Variants in SYNDIG1 observed in about 807,000 individuals in gnomAD.
The protein encoded by SYNDIG1 is synapse differentiation-inducing gene protein 1.
SYNDIG1 carries 9 observed loss-of-function variants against 19.4 expected under a neutral mutation model. The ratio of observed to expected loss-of-function variants is 0.46; its 90% CI spans 0.28 to 0.81. The LOEUF is 0.81. SYNDIG1 is among the 30% of genes least tolerant of loss of function. The pLI is 0.12. For synonymous variants in SYNDIG1, 141 were observed against 145.9 expected, an observed-to-expected ratio of 0.97 and a Z score of 0.24; for missense variants, 311 against 343.3, an observed-to-expected ratio of 0.91 and a Z score of 0.74.
intron 3 of SYNDIG1, among the ~76,000 whole-genome samples, chr20:24,630,292 C>T (rs1012087425): frequency 2.6e-5 from 4 of 152,128 alleles, no homozygotes; most frequent in Non-Finnish European, 4.4e-5. Context: ...GGGGATTGAC[C>T]GGGACCTAGA....
Position 24,478,805 on chromosome 20 carries a change from G to A in SYNDIG1, c.-79+9052G>A, listed in dbSNP as rs187718985. Among the ~76,000 whole-genome samples, 6 of 152,308 alleles carry A rather than the reference G, an allele frequency of 3.9e-5. No homozygotes were observed. The East Asian group carries it at 9.7e-4, about 25-fold the overall frequency. The stretch of plus-strand genomic sequence containing the variant: ...GGAGTCATGCACTTAGAAAAGTCAG[G>A]GAGAACAGAAGCCTCCCACAGAACT... On this transcript the variant is annotated intron_variant, in intron 1 of 3. Transcript: ENST00000376862.
At chr20:24,481,458 A>ATGCC (rs1411975278) in intron 1 of SYNDIG1, among the ~76,000 whole-genome samples, 2 of 152,196 alleles carry the variant, frequency 1.3e-5, no homozygotes, top group African/African-American at 4.8e-5. Context: ...CAGACTTCAT[A>ATGCC]TGCCGAGGCT....
Position 24,642,602 on chromosome 20 carries a change from G to A in SYNDIG1, c.619-22744G>A, listed in dbSNP as rs141822992. On this transcript the variant is annotated intron_variant, in intron 3 of 3. Coordinates refer to ENST00000376862, the MANE Select transcript of SYNDIG1 (RefSeq NM_024893.3). ...TCAGTATGGACCCTTGGATATTTAT[G>A]TTATACTTTGGTGTCTAATCCAAAA... Among the ~76,000 whole-genome samples the A allele has an allele frequency of 4.8e-3, 729 of 152,246 alleles. 2 individuals are homozygous for A. The highest frequency in any genetic ancestry group is 8.4e-3 in the Non-Finnish European group (574 of 68,010).
At chr20:24,654,407 A>G (rs2059502491) in intron 3 of SYNDIG1, among the ~76,000 whole-genome samples, 1 of 152,200 alleles carries the variant, frequency 6.6e-6, no homozygotes, top group Non-Finnish European at 1.5e-5. Flanking sequence ...TCCTGAAATC[A>G]AAAAGGAAAG....
chr20:24,662,508 G>C (rs73347242), intron 3 of SYNDIG1, among the ~76,000 whole-genome samples: 1 of 152,146 alleles, frequency 6.6e-6, no homozygotes, highest in South Asian at 2.1e-4. Context: ...TGCCGATGGA[G>C]CCCAGCTGCT....
At chr20:24,634,727 C>T (rs1250811998) in intron 3 of SYNDIG1, among the ~76,000 whole-genome samples, 2 of 152,098 alleles carry the variant, frequency 1.3e-5, no homozygotes, top group Non-Finnish European at 1.5e-5. Flanking sequence ...AATTTGTAGA[C>T]CTTATTTTTC....
At chr20:24,558,989 C>T (rs565103830) in intron 2 of SYNDIG1, among the ~76,000 whole-genome samples, 2 of 152,128 alleles carry the variant, frequency 1.3e-5, no homozygotes, top group Non-Finnish European at 2.9e-5. Context: ...ACCATTTGAT[C>T]GAGCAATATC....
chr20:24,538,692 G>A (rs949624855), intron 1 of SYNDIG1, among the ~76,000 whole-genome samples: 7 of 151,756 alleles, frequency 4.6e-5, no homozygotes, highest in East Asian at 3.9e-4. Context: ...TTTCCAAAGC[G>A]ACTGCACTGT....
chr20:24,480,600 A>G (rs1256836743), intron 1 of SYNDIG1, among the ~76,000 whole-genome samples: 1 of 152,234 alleles, frequency 6.6e-6, no homozygotes, highest in Non-Finnish European at 1.5e-5. Flanking sequence ...GATTTGCCAT[A>G]TGATCCAGCA....
chr20:24,626,752 C>A (rs1322310349), intron 3 of SYNDIG1, among the ~76,000 whole-genome samples: 2 of 152,192 alleles, frequency 1.3e-5, no homozygotes, highest in African/African-American at 2.4e-5. Flanking sequence ...TGTAGCGAGC[C>A]GAGATCACGC....
At chr20:24,653,762 A>C (rs1236311119) in intron 3 of SYNDIG1, among the ~76,000 whole-genome samples, 4 of 152,202 alleles carry the variant, frequency 2.6e-5, no homozygotes, top group Non-Finnish European at 2.9e-5. Context: ...GGAGGCTGGA[A>C]GCCTGAGGTT....
intron 3 of SYNDIG1, among the ~76,000 whole-genome samples, chr20:24,613,436 G>A (rs2058880061): frequency 1.3e-5 from 2 of 152,266 alleles, no homozygotes; most frequent in South Asian, 2.1e-4. Context: ...CTCACAATCA[G>A]CTTTCCATGA....
chr20:24,500,247 A>G (rs1016901827), intron 1 of SYNDIG1, among the ~76,000 whole-genome samples: 3 of 152,116 alleles, frequency 2.0e-5, no homozygotes, highest in Admixed American at 6.5e-5. Context: ...TGTGATTCCT[A>G]TGTTTCTTTA....
chr20:24,646,193 C>G (rs2059421076), intron 3 of SYNDIG1, among the ~76,000 whole-genome samples: 1 of 152,188 alleles, frequency 6.6e-6, no homozygotes, highest in South Asian at 2.1e-4. Context: ...TCCTCCAATG[C>G]CTAGAGGACT....
chr20:24,657,073 C>T (rs1198626725), intron 3 of SYNDIG1, among the ~76,000 whole-genome samples: 1 of 152,180 alleles, frequency 6.6e-6, no homozygotes, highest in African/African-American at 2.4e-5. Flanking sequence ...TGAGGCCTCC[C>T]CGGAAGCCGA....
chr20:24,637,674 C>G (rs538127590), intron 3 of SYNDIG1, among the ~76,000 whole-genome samples: 8 of 152,338 alleles, frequency 5.3e-5, no homozygotes, highest in Admixed American at 5.2e-4. Context: ...AGAAACAGAA[C>G]AGGCAAAGAG....
chr20:24,631,420 C>T (rs943846431), intron 3 of SYNDIG1, among the ~76,000 whole-genome samples: 10 of 152,340 alleles, frequency 6.6e-5, no homozygotes, highest in South Asian at 4.1e-4. Flanking sequence ...CACCTGCGGG[C>T]GCGACGGCCT....
intron 2 of SYNDIG1, among the ~76,000 whole-genome samples, chr20:24,573,133 T>C (rs574255436): frequency 6.6e-6 from 1 of 152,228 alleles, no homozygotes; most frequent in Non-Finnish European, 1.5e-5. Flanking sequence ...AGAGCATTCC[T>C]GTGGCGCAAG....
At chr20:24,520,803 A>T (rs1427127590) in intron 1 of SYNDIG1, among the ~76,000 whole-genome samples, 1 of 152,164 alleles carries the variant, frequency 6.6e-6, no homozygotes, top group African/African-American at 2.4e-5. Flanking sequence ...TTTTTGAGAA[A>T]AGTCCTTTTT....
Sources: gnomAD v4.1 joint callset for allele counts (sites outside exome capture counted in the v4.1 genomes callset) on GRCh38, gnomAD v4.1.1 for gene constraint, MANE v1.5 for transcripts, NCBI Gene and HGNC (gene_info 2026-07-23, HGNC 2026-07-21) for gene names.